FANCD2: variants seen among roughly 807,000 people sequenced by gnomAD.
FANCD2 encodes Fanconi anemia group D2 protein.
A neutral mutation model predicts 192.3 loss-of-function variants in FANCD2; 131 were observed. The ratio of observed to expected loss-of-function variants is 0.68; its 90% CI spans 0.59 to 0.79. The LOEUF (loss-of-function observed/expected upper bound fraction) is 0.79, where lower values mean the gene tolerates loss of function less well. Ranked by LOEUF, FANCD2 falls within the 30% of genes least tolerant of loss-of-function variation. The pLI, the probability that FANCD2 is intolerant of heterozygous loss-of-function variation, is 0.00. For missense variants in FANCD2, 1,508 were observed against 1,701.6 expected (o/e 0.89, Z 2.00); for synonymous variants, 524 against 612.5 (o/e 0.86, Z 2.13).
chr3:10,093,558 G>A (rs1379978107), intron 39 of FANCD2, among the ~76,000 whole-genome samples: 1 of 152,224 alleles, frequency 6.6e-6, no homozygotes, highest in Non-Finnish European at 1.5e-5. Context: ...TAGGAGGAAT[G>A]GCTTCAGGGC....
chr3:10,074,723 C>T, intron 29 of FANCD2, 50 bp downstream of exon 29: 2 of 1,571,804 alleles, frequency 1.3e-6, no homozygotes, highest in Non-Finnish European at 8.7e-7. Flanking sequence ...CAGAAAGTTC[C>T]TCAGGTCTAT....
intron 3 of FANCD2, among the ~76,000 whole-genome samples, chr3:10,033,382 CAA>C (rs1398583835): frequency 1.3e-5 from 2 of 151,808 alleles, no homozygotes; most frequent in African/African-American, 2.4e-5. Context: ...GCCTGGGCGA[CAA>C]GAGTGAGACT....
rs138377091 is a variant in FANCD2, at chr3:10,044,329, T to A, written c.1134+465T>A. Among the ~76,000 whole-genome samples the A allele has an allele frequency of 3.6e-3, 543 of 152,066 alleles. 1 individual carries two copies. Among genetic ancestry groups the A allele is most frequent in the Middle Eastern group, 0.014 (4 of 294 alleles). On this transcript the variant is annotated intron_variant, in intron 14 of 43. Transcript: ENST00000675286. ...CTGTCCACTGTCAAGGCAGTGGTACTGGATCTTATGTCTCTATTAATTCTA... is the reference window on the plus strand; with the variant it reads ...CTGTCCACTGTCAAGGCAGTGGTACAGGATCTTATGTCTCTATTAATTCTA...
Position 10,078,113 on chromosome 3 carries a change from G to A in FANCD2, c.2892G>A (p.Glu964=). The A allele has an allele frequency of 9.9e-6, 16 of 1,613,886 alleles. No homozygotes were observed. The highest frequency in any genetic ancestry group is 1.4e-5 in the Non-Finnish European group (16 of 1,179,852). The part of the protein sequence containing the change: ...ATEVVQLGPP[E]LLFLLEDLSQ... ...AAGTTGTGCAACTTGGGCCCCCTGA[G>A]CTGCTTTTCTTGCTGGAAGATCTCT... Residue 964 remains glutamate (E), a synonymous_variant, in exon 30 of 44, where the codon GAG becomes GAA. Transcript: ENST00000675286.
intron 26 of FANCD2, among the ~76,000 whole-genome samples, chr3:10,069,942 G>A (rs1693095125): frequency 1.3e-5 from 2 of 150,546 alleles, no homozygotes; most frequent in Admixed American, 1.3e-4. Context: ...GATGTGAGGA[G>A]CCTCTCTGCC....
chr3:10,033,387 G>C (rs2086650113), intron 3 of FANCD2, among the ~76,000 whole-genome samples: 2 of 152,040 alleles, frequency 1.3e-5, no homozygotes, highest in African/African-American at 4.8e-5. Context: ...GGCGACAAGA[G>C]TGAGACTCCA....
At chr3:10,075,463 C>T (rs922208230) in intron 29 of FANCD2, among the ~76,000 whole-genome samples, 31 of 152,052 alleles carry the variant, frequency 2.0e-4, no homozygotes, top group African/African-American at 7.0e-4. Flanking sequence ...GGATTACAGG[C>T]GCAAGCCCCC....
chr3:10,044,611 A>G (rs1299532831), intron 14 of FANCD2, among the ~76,000 whole-genome samples: 1 of 151,936 alleles, frequency 6.6e-6, no homozygotes, highest in African/African-American at 2.4e-5. Flanking sequence ...CGGATGATTG[A>G]GTTCCTTAGG....
At chr3:10,084,487 G>A (rs1035295548) in intron 32 of FANCD2, among the ~76,000 whole-genome samples, 1 of 151,208 alleles carries the variant, frequency 6.6e-6, no homozygotes, top group African/African-American at 2.4e-5. Context: ...TGGTAGAGAC[G>A]GGGTTTCGCC....
At chr3:10,054,610 A>C (rs2087352469) in intron 18 of FANCD2, among the ~76,000 whole-genome samples, 1 of 142,708 alleles carries the variant, frequency 7.0e-6, no homozygotes, top group African/African-American at 2.6e-5. Context: ...CAGCCTCCCA[A>C]GTAGCTGGGA....
At chr3:10,038,550 T>C (rs1357722697) in intron 7 of FANCD2, among the ~76,000 whole-genome samples, 2 of 151,934 alleles carry the variant, frequency 1.3e-5, no homozygotes, top group Non-Finnish European at 2.9e-5. Context: ...TAATTTGACT[T>C]TCTATGTTCC....
chr3:10,079,451 G>A (rs554564901), intron 30 of FANCD2, among the ~76,000 whole-genome samples: 13 of 151,960 alleles, frequency 8.6e-5, no homozygotes, highest in East Asian at 3.9e-4. Context: ...GACTACAGGC[G>A]CGCGCCACCA....
intron 43 of FANCD2, 125 bp from the exon 44 acceptor site, chr3:10,101,062 CT>C (rs1695270143): frequency 1.2e-4 from 86 of 690,630 alleles, no homozygotes; most frequent in Non-Finnish European, 1.7e-4. Flanking sequence ...AGCAAGACTC[CT>C]TTAAAAAAAA....
chr3:10,043,284 A>G (rs1163259761), intron 12 of FANCD2, 134 bp downstream of exon 12: 18 of 812,442 alleles, frequency 2.2e-5, no homozygotes, highest in South Asian at 1.0e-4. Context: ...TTCAAATTAC[A>G]TATATGTATG....
At chr3:10,089,867 C>G (rs1694478634) in intron 36 of FANCD2, among the ~76,000 whole-genome samples, 1 of 152,182 alleles carries the variant, frequency 6.6e-6, no homozygotes, top group South Asian at 2.1e-4. Flanking sequence ...CATTTGTAGT[C>G]TTTTCAGTTT....
At chr3:10,101,105 T>C (rs1695272394) in intron 43 of FANCD2, 83 bp from the exon 44 acceptor site, 2 of 1,055,100 alleles carry the variant, frequency 1.9e-6, no homozygotes, top group East Asian at 2.4e-5. Context: ...ATAGTACAGT[T>C]GTGTATCCTC....
rs1304564988 is a variant in FANCD2 at position 10,046,698 on chromosome 3, A to G, written c.1253A>G (p.Gln418Arg). Reference protein sequence around the residue: ...RSGCIQEQLLQSTFSVHYLVL... With the variant: ...RSGCIQEQLLRSTFSVHYLVL... The stretch of plus-strand genomic sequence containing the variant: ...GGCTGCATTCAAGAACAGCTGCTCC[A>G]GAGTACATTCTCTGTTCATTACTTA... Residue 418 changes from glutamine (Q) to arginine (R), a missense_variant, in exon 15 of 44, where the codon CAG becomes CGG. Physicochemically the swap from Gln to Arg is conservative, Grantham distance 43. Transcript: ENST00000675286. 1 of 1,613,020 alleles carries G rather than the reference A, an allele frequency of 6.2e-7. No individual in the cohort carries two copies. Among genetic ancestry groups the G allele is most frequent in the East Asian group, 2.2e-5 (1 of 44,858 alleles).
At position 10,034,487 on chromosome 3, in the gene FANCD2, T is replaced by C; in HGVS notation, c.224T>C (p.Phe75Ser). The part of the protein sequence containing the change: ...QNQLAVDQIA[F>S]QKKLFQTLRR... Reference sequence around the variant, plus strand: ...TGCATAGCTGTGGATCAAATAGCTTTCCAAAAGAAGCTCTTTCAGACCCTG... The same window carrying C: ...TGCATAGCTGTGGATCAAATAGCTTCCCAAAAGAAGCTCTTTCAGACCCTG... Residue 75 changes from phenylalanine (F) to serine (S), a missense_variant, in exon 4 of 44, where the codon TTC becomes TCC. Phe to Ser is a radical substitution (Grantham distance 155). Coordinates refer to ENST00000675286, the MANE Select transcript of FANCD2 (RefSeq NM_001018115.3). The C allele has an allele frequency of 1.2e-6, 2 of 1,612,968 alleles. No homozygotes were observed. The highest frequency in any genetic ancestry group is 1.7e-6 in the Non-Finnish European group (2 of 1,179,002).
rs529418229 is a variant in FANCD2 at position 10,066,718 on chromosome 3, A to C, written c.2386-491A>C. Among the ~76,000 whole-genome samples the C allele has an allele frequency of 2.0e-5, 3 of 152,126 alleles. No individual in the cohort carries two copies. The South Asian group carries it at 6.2e-4, about 32-fold the overall frequency. ...TAAGTAAAACTAGGGTCACAAGCCT[A>C]ATCTCCTTTGTTTTTTGTTTTTTTG... On this transcript the variant is annotated intron_variant, in intron 25 of 43. Coordinates refer to ENST00000675286, the MANE Select transcript of FANCD2 (RefSeq NM_001018115.3).
Sources: allele counts gnomAD v4.1 joint callset (sites outside exome capture counted in the v4.1 genomes callset), GRCh38; gene constraint gnomAD v4.1.1; transcripts MANE v1.5; gene names NCBI Gene and HGNC (gene_info 2026-07-23, HGNC 2026-07-21).